CCNJL: variants seen among roughly 807,000 people sequenced by gnomAD.
CCNJL encodes the protein cyclin-J-like protein.
A neutral mutation model predicts 33.4 loss-of-function variants in CCNJL; 33 were observed. The ratio of observed to expected loss-of-function variants is 0.99; its 90% confidence interval spans 0.75 to 1.32. The LOEUF (loss-of-function observed/expected upper bound fraction) is 1.32. Among genes scored for constraint, CCNJL ranks in the 40% most tolerant of loss-of-function variants. The pLI, the probability that CCNJL is intolerant of heterozygous loss-of-function variation, is 0.00. For synonymous variants in CCNJL, 227 were observed against 220.9 expected, an observed-to-expected ratio of 1.03 and a Z score of -0.24; for missense variants, 512 against 499.7, an observed-to-expected ratio of 1.02 and a Z score of -0.23.
At chr5:160,258,821 C>T (rs6890002) in intron 4 of CCNJL, among the ~76,000 whole-genome samples, 5,659 of 152,262 alleles carry the variant, frequency 0.037, 336 homozygotes, top group African/African-American at 0.13. Flanking sequence ...CTCAGCCTCC[C>T]AAATAGCTGG....
intron 2 of CCNJL, among the ~76,000 whole-genome samples, chr5:160,304,227 G>A (rs1028657672): frequency 3.3e-5 from 5 of 152,180 alleles, no homozygotes; most frequent in South Asian, 2.1e-4. Context: ...AAGTGACAAC[G>A]CCAAGTTCTG....
At chr5:160,338,970 G>T (rs1698182327) in intron 1 of CCNJL, among the ~76,000 whole-genome samples, 2 of 152,006 alleles carry the variant, frequency 1.3e-5, no homozygotes, top group South Asian at 4.2e-4. Flanking sequence ...TTTGTATTTA[G>T]TAGAGATGGG....
upstream of CCNJL, among the ~76,000 whole-genome samples, chr5:160,313,355 A>G (rs1763334749): frequency 6.6e-6 from 1 of 152,224 alleles, no homozygotes; most frequent in Non-Finnish European, 1.5e-5. Context: ...ATTTTTGTCA[A>G]GTTCCTCAAA....
At chr5:160,292,876 A>T (rs1308422977) in intron 2 of CCNJL, among the ~76,000 whole-genome samples, 1 of 152,224 alleles carries the variant, frequency 6.6e-6, no homozygotes, top group East Asian at 1.9e-4. Flanking sequence ...TTCTCAATAC[A>T]TATTCTGTGT....
In CCNJL at chr5:160,282,367, A is replaced by C. The variant is rs547706178; in HGVS notation, c.67-1629T>G. Among the ~76,000 whole-genome samples the C allele has an allele frequency of 5.3e-5, 8 of 152,186 alleles. No homozygotes were observed. The East Asian group carries it at 1.5e-3, about 29-fold the overall frequency. ...TACAACTATAAAACTCTTAGAAGAA[A>C]ACAGGGGGAAATCTTTAATGGCCTT... On this transcript the variant is annotated intron_variant, in intron 2 of 5. Coordinates refer to ENST00000257536, the MANE Select transcript of CCNJL (RefSeq NM_001308173.3).
chr5:160,291,739 C>T (rs957870217), intron 2 of CCNJL, among the ~76,000 whole-genome samples: 2 of 152,228 alleles, frequency 1.3e-5, no homozygotes, highest in Admixed American at 6.5e-5. Flanking sequence ...CCTGCAGAAA[C>T]GCCCTAGTAA....
chr5:160,303,706 GTGTGTGTGTGTGTGTGTGTGTC>G (rs1056260472), intron 2 of CCNJL, among the ~76,000 whole-genome samples: 8 of 89,056 alleles, frequency 9.0e-5, no homozygotes, highest in African/African-American at 1.4e-4. Flanking sequence ...GTGTCTGTGT[GTGTGTGTGTGTGTGTGTGTGTC>G]TGTGTGTGTG....
At chr5:160,301,760 CTCTT>C (rs939322614) in intron 2 of CCNJL, among the ~76,000 whole-genome samples, 1 of 142,836 alleles carries the variant, frequency 7.0e-6, no homozygotes, top group African/African-American at 2.6e-5. Context: ...GAAACAGTCT[CTCTT>C]TGTCACCCAG....
At position 160,318,529 on chromosome 5, in the gene CCNJL, C is replaced by T. The variant is rs1051237336; in HGVS notation, n.207-3024G>A. Reference sequence around the variant, plus strand: ...TAGTATTCTAGGAAAGATGAATGACCGGGGAACCCTATCATATGCTTTCTT... The same window carrying T: ...TAGTATTCTAGGAAAGATGAATGACTGGGGAACCCTATCATATGCTTTCTT... On this transcript the variant is annotated intron_variant and non_coding_transcript_variant, in intron 1 of 7. Transcript: ENST00000377503. Among the ~76,000 whole-genome samples the T allele has an allele frequency of 6.6e-5, 10 of 152,302 alleles. No homozygotes were observed. The South Asian group carries it at 1.4e-3, about 22-fold the overall frequency.
chr5:160,290,162 C>T (rs549564473), intron 2 of CCNJL, among the ~76,000 whole-genome samples: 304 of 152,272 alleles, frequency 2.0e-3, no homozygotes, highest in Non-Finnish European at 2.1e-3. Flanking sequence ...CTTTTAGTGT[C>T]CTGCACTGCA....
upstream of CCNJL, among the ~76,000 whole-genome samples, chr5:160,317,248 A>T (rs1207301042): frequency 6.6e-6 from 1 of 152,240 alleles, no homozygotes; most frequent in Non-Finnish European, 1.5e-5. Context: ...AGGTCTGAGA[A>T]CAAGGCAGGA....
At chr5:160,261,269 C>G (rs1761319334) in intron 3 of CCNJL, 1 of 152,200 alleles carries the variant, frequency 6.6e-6, no homozygotes, top group Admixed American at 6.5e-5. Context: ...TCTCGGCAAG[C>G]CTTGCAGCAG....
chr5:160,319,953 T>TAAATAAAC lies in CCNJL; in HGVS notation n.207-4449_207-4448insGTTTATTT, dbSNP rs1164765771. 2.0e-4 allele frequency among the ~76,000 whole-genome samples: 30 copies of TAAATAAAC among 151,884 alleles called. 1 individual carries two copies. Among genetic ancestry groups the TAAATAAAC allele is most frequent in the African/African-American group, 7.2e-4 (30 of 41,458 alleles). On this transcript the variant is annotated intron_variant and non_coding_transcript_variant, in intron 1 of 7. Coordinates refer to the CCNJL transcript ENST00000377503. Reference sequence around the variant, plus strand: ...AATAATAAATAAATAAATAAATAAATAAACGATGGATAACATGGATAGCGG... The same window carrying TAAATAAAC: ...AATAATAAATAAATAAATAAATAAATAAATAAACAAACGATGGATAACATGGATAGCGG...
intron 3 of CCNJL, among the ~76,000 whole-genome samples, chr5:160,265,768 G>A (rs1304629808): frequency 6.6e-6 from 1 of 151,518 alleles, no homozygotes; most frequent in Non-Finnish European, 1.5e-5. Context: ...AGGCAGAATT[G>A]CTTGAACCCC....
intron 2 of CCNJL, among the ~76,000 whole-genome samples, chr5:160,297,989 T>A (rs1762802599): frequency 6.6e-6 from 1 of 152,174 alleles, no homozygotes; most frequent in Non-Finnish European, 1.5e-5. Context: ...GAAGTCCATG[T>A]TATACCATCA....
intron 1 of CCNJL, among the ~76,000 whole-genome samples, chr5:160,321,673 G>T (rs1397983441): frequency 6.6e-6 from 1 of 152,152 alleles, no homozygotes; most frequent in Non-Finnish European, 1.5e-5. Context: ...CGGGCGCGGT[G>T]GCTCACGCCT....
chr5:160,259,262 A>AC (rs1561772345), intron 4 of CCNJL, among the ~76,000 whole-genome samples: 1 of 152,252 alleles, frequency 6.6e-6, no homozygotes, highest in African/African-American at 2.4e-5. Flanking sequence ...CTGCCTGCAT[A>AC]TAAGTTGCTA....
chr5:160,286,602 C>T (rs1202594854), intron 2 of CCNJL, among the ~76,000 whole-genome samples: 3 of 152,012 alleles, frequency 2.0e-5, no homozygotes, highest in Non-Finnish European at 2.9e-5. Flanking sequence ...TGTACCACTG[C>T]ACTCCAGCCT....
intron 2 of CCNJL, among the ~76,000 whole-genome samples, chr5:160,305,079 G>A (rs1398121282): frequency 6.6e-6 from 1 of 152,084 alleles, no homozygotes; most frequent in Admixed American, 6.6e-5. Context: ...CTCCCAAAGT[G>A]CTGGGATTAC....
Sources: gnomAD v4.1 joint callset for allele counts (sites outside exome capture counted in the v4.1 genomes callset) on GRCh38, gnomAD v4.1.1 for gene constraint, MANE v1.5 for transcripts, NCBI Gene and HGNC (gene_info 2026-07-23, HGNC 2026-07-21) for gene names.